The following CCL28 variants were observed in gnomAD, a reference collection of about 807,000 sequenced individuals.
The protein encoded by CCL28 is C-C motif chemokine 28.
CCL28 carries 4 observed loss-of-function variants against 7.1 expected under a neutral mutation model. The observed-to-expected ratio is 0.56, with a 90% CI of 0.28 to 1.29. CCL28 has a LOEUF of 1.29. Among genes scored for constraint, CCL28 ranks in the 50% most tolerant of loss-of-function variants. The pLI is 0.11. For synonymous variants in CCL28, 55 were observed against 57.8 expected (o/e 0.95, Z 0.22); for missense variants, 151 against 163.4 (o/e 0.92, Z 0.41).
At chr5:43,401,151 C>G (rs1469289965) in intron 1 of CCL28, among the ~76,000 whole-genome samples, 1 of 152,098 alleles carries the variant, frequency 6.6e-6, no homozygotes, top group Non-Finnish European at 1.5e-5. Context: ...GAACACATCT[C>G]TCCATTCTTG....
the CCL28 span, among the ~76,000 whole-genome samples, chr5:43,370,250 A>G: frequency 2.0e-5 from 3 of 152,220 alleles, no homozygotes; most frequent in Non-Finnish European, 4.4e-5. Context: ...GCAATATATA[A>G]TTCAAATACC....
intron 1 of CCL28, among the ~76,000 whole-genome samples, chr5:43,408,593 C>A (rs962314541): frequency 6.6e-6 from 1 of 151,974 alleles, no homozygotes; most frequent in African/African-American, 2.4e-5. Context: ...ACATATGTAA[C>A]AAACCTGCAC....
At chr5:43,369,247 G>A in the CCL28 span, among the ~76,000 whole-genome samples, 1 of 151,956 alleles carries the variant, frequency 6.6e-6, no homozygotes, top group Non-Finnish European at 1.5e-5. Flanking sequence ...GGGATGATTG[G>A]GAACCATTTT....
At chr5:43,391,893 T>C (rs764765001) in intron 1 of CCL28, among the ~76,000 whole-genome samples, 144 of 152,088 alleles carry the variant, frequency 9.5e-4, no homozygotes, top group Non-Finnish European at 1.7e-3. Flanking sequence ...AAATAAATAG[T>C]GGGGCTGGAA....
chr5:43,367,156 T>C, the CCL28 span, among the ~76,000 whole-genome samples: 1 of 152,190 alleles, frequency 6.6e-6, no homozygotes, highest in Non-Finnish European at 1.5e-5. Flanking sequence ...CAGTGGATAT[T>C]AGCTTGCTGG....
chr5:43,399,029 A>G (rs1198717194), intron 1 of CCL28, among the ~76,000 whole-genome samples: 1 of 152,122 alleles, frequency 6.6e-6, no homozygotes, highest in Non-Finnish European at 1.5e-5. Context: ...AGCTCTACCC[A>G]AATATTCTGA....
chr5:43,398,406 G>A (rs768483792), intron 1 of CCL28, among the ~76,000 whole-genome samples: 6 of 152,062 alleles, frequency 3.9e-5, no homozygotes, highest in Admixed American at 6.5e-5. Flanking sequence ...TTATTTTTTT[G>A]TAGAGATGGG....
At chr5:43,357,015 G>A in the CCL28 span, among the ~76,000 whole-genome samples, 2 of 152,218 alleles carry the variant, frequency 1.3e-5, no homozygotes, top group Non-Finnish European at 2.9e-5. Flanking sequence ...CTGCAGGTTA[G>A]CTAGGGGTCA....
At chr5:43,373,791 C>T (rs138590781), downstream of CCL28, among the ~76,000 whole-genome samples, 16 of 152,298 alleles carry the variant, frequency 1.1e-4, no homozygotes, top group Non-Finnish European at 1.9e-4. Context: ...CTGTGGCCTG[C>T]GTTTAGCAAA....
At chr5:43,372,314 G>A (rs1187010398), downstream of CCL28, among the ~76,000 whole-genome samples, 1 of 152,150 alleles carries the variant, frequency 6.6e-6, no homozygotes, top group Admixed American at 6.6e-5. Context: ...TCGTTGAAGA[G>A]GACTCGTGTC....
At chr5:43,401,680 A>G (rs909060714) in intron 1 of CCL28, among the ~76,000 whole-genome samples, 2 of 152,198 alleles carry the variant, frequency 1.3e-5, no homozygotes, top group Non-Finnish European at 2.9e-5. Flanking sequence ...CAAAAAGGAC[A>G]TATGTGGGCC....
chr5:43,377,717 C>CTATTTTTTTT (rs1739937800), downstream of CCL28, among the ~76,000 whole-genome samples: 1 of 42,708 alleles, frequency 2.3e-5, no homozygotes, highest in African/African-American at 1.2e-4. Context: ...AGAACTTAAA[C>CTATTTTTTTT]TTTTTTTTTT....
the CCL28 span, among the ~76,000 whole-genome samples, chr5:43,357,540 T>G: frequency 6.6e-6 from 1 of 152,192 alleles, no homozygotes; most frequent in Non-Finnish European, 1.5e-5. Context: ...TGAAGCAGAA[T>G]GGGAAAACAA....
In CCL28 at chr5:43,379,377, A is replaced by T. The variant is rs1484582661; in HGVS notation, c.*2483T>A. The T allele has an allele frequency of 6.6e-6, 1 of 152,160 alleles. No individual in the cohort carries two copies. The highest frequency in any genetic ancestry group is 1.5e-5 in the Non-Finnish European group (1 of 68,044). The allele number at this position is 152,160 out of a possible 1,614,324, so 9.4% of individuals were successfully genotyped here. A position where few individuals can be genotyped will look rare whatever the true frequency, so the allele number is the denominator to read the frequency against. ...TTTATTAATATTTTAAGTTACTCTC[A>T]TATTATATTTTATTAATTTTTTCTT... On this transcript the variant is annotated 3_prime_UTR_variant, in exon 3 of 3. Coordinates refer to ENST00000361115, the MANE Select transcript of CCL28 (RefSeq NM_148672.3).
At chr5:43,395,363 G>A (rs1248363113) in intron 1 of CCL28, among the ~76,000 whole-genome samples, 4 of 151,972 alleles carry the variant, frequency 2.6e-5, no homozygotes, top group Admixed American at 2.6e-4. Flanking sequence ...TGAAGTGAAG[G>A]TTCCTGTGCA....
intron 2 of CCL28, among the ~76,000 whole-genome samples, chr5:43,385,506 C>G (rs1740302599): frequency 2.0e-5 from 3 of 152,114 alleles, no homozygotes; most frequent in African/African-American, 7.2e-5. Flanking sequence ...TCTTTATACC[C>G]AGTCAGGGAT....
At chr5:43,362,022 G>A in the CCL28 span, among the ~76,000 whole-genome samples, 1 of 151,880 alleles carries the variant, frequency 6.6e-6, no homozygotes, top group Admixed American at 6.6e-5. Flanking sequence ...GTTTTTTTTA[G>A]TTCTGTGAAG....
At chr5:43,402,550 C>A (rs1217428721) in intron 1 of CCL28, among the ~76,000 whole-genome samples, 3 of 152,126 alleles carry the variant, frequency 2.0e-5, no homozygotes, top group East Asian at 1.9e-4. Context: ...GTGCCGGTTC[C>A]AAGATGGCCG....
the CCL28 span, among the ~76,000 whole-genome samples, chr5:43,364,420 C>T: frequency 4.6e-5 from 7 of 151,978 alleles, no homozygotes; most frequent in East Asian, 1.2e-3. Flanking sequence ...CTGATTTGAT[C>T]ATTATACAAC....
Sources: allele counts gnomAD v4.1 joint callset (sites outside exome capture counted in the v4.1 genomes callset), GRCh38; gene constraint gnomAD v4.1.1; transcripts MANE v1.5; gene names NCBI Gene and HGNC (gene_info 2026-07-23, HGNC 2026-07-21).